Variants in DUXA observed in about 807,000 individuals in gnomAD.
DUXA encodes the protein double homeobox A, also known as double homeobox protein A.
A neutral mutation model predicts 27.5 loss-of-function variants in DUXA; 25 were observed. The ratio of observed to expected loss-of-function variants is 0.91; its 90% CI spans 0.66 to 1.27. The LOEUF is 1.27. Among genes scored for constraint, DUXA ranks in the 50% most tolerant of loss-of-function variants. The pLI, the probability that DUXA is intolerant of heterozygous loss-of-function variation, is 0.00. For synonymous variants in DUXA, 90 were observed against 80.5 expected (o/e 1.12, Z -0.63); for missense variants, 247 against 242.9 (o/e 1.02, Z -0.11).
In DUXA at chr19:57,158,395, G is replaced by A. The variant is rs755739295; in HGVS notation, c.371C>T (p.Pro124Leu). The A allele has an allele frequency of 6.2e-7, 1 of 1,613,470 alleles. No homozygotes were observed. Among genetic ancestry groups the A allele is most frequent in the Non-Finnish European group, 8.5e-7 (1 of 1,180,004 alleles). The change falls in exon 4 of 6, where the codon CCA becomes CTA. Residue 124 changes from proline (P) to leucine (L), a missense_variant. Coordinates refer to ENST00000554048, the MANE Select transcript of DUXA (RefSeq NM_001012729.2). ...HTLIKAFMKNPYPGIDSREEL... is the reference protein window; with the variant it reads ...HTLIKAFMKNLYPGIDSREEL... Reference sequence around the variant, plus strand: ...TTCTCTGGAATCAATCCCAGGATATGGGTTTTTCATAAATGCCTTGATGAG... The same window carrying A: ...TTCTCTGGAATCAATCCCAGGATATAGGTTTTTCATAAATGCCTTGATGAG...
At chr19:57,161,412 A>G (rs1233149000) in intron 1 of DUXA, among the ~76,000 whole-genome samples, 2 of 148,952 alleles carry the variant, frequency 1.3e-5, no homozygotes, top group Non-Finnish European at 3.0e-5. Flanking sequence ...TCACAAGGTC[A>G]GGAGATCGAG....
intron 1 of DUXA, among the ~76,000 whole-genome samples, chr19:57,162,275 C>G (rs2087028173): frequency 1.3e-5 from 2 of 152,012 alleles, no homozygotes; most frequent in Admixed American, 1.3e-4. Flanking sequence ...TTAAAAACAC[C>G]ACAGGGAGGA....
chr19:57,162,520 C>A (rs1393987155), intron 1 of DUXA, among the ~76,000 whole-genome samples: 1 of 152,150 alleles, frequency 6.6e-6, no homozygotes, highest in Non-Finnish European at 1.5e-5. Context: ...TTTGTTTGAT[C>A]TTTGAATGCT....
At chr19:57,154,503 A>C (rs762870513) in intron 5 of DUXA, 21 bp from the exon 6 acceptor site, 1 of 1,591,964 alleles carries the variant, frequency 6.3e-7, no homozygotes, top group South Asian at 1.1e-5. Context: ...AAAAAGATAG[A>C]GGAAAGAATG....
chr19:57,165,792 G>A (rs1201296862), intron 1 of DUXA, among the ~76,000 whole-genome samples: 3 of 123,694 alleles, frequency 2.4e-5, no homozygotes, highest in Non-Finnish European at 5.0e-5. Context: ...GCGAGAGAGT[G>A]AGACTCCTCT....
chr19:57,162,503 C>T (rs1321556259), intron 1 of DUXA, among the ~76,000 whole-genome samples: 4 of 152,210 alleles, frequency 2.6e-5, no homozygotes, highest in African/African-American at 9.6e-5. Context: ...AAAAGACCAA[C>T]AGCTTTTTTG....
chr19:57,161,304 AAC>A (rs2087019994), intron 1 of DUXA, among the ~76,000 whole-genome samples: 1 of 93,444 alleles, frequency 1.1e-5, no homozygotes, highest in African/African-American at 4.6e-5. Context: ...CAGCCTGGGT[AAC>A]AGAGTGAGAC....
In DUXA at chr19:57,166,686, G is replaced by C. The variant is rs533840445; in HGVS notation, c.25+733C>G. Among the ~76,000 whole-genome samples the C allele has an allele frequency of 4.3e-4, 66 of 152,350 alleles. No homozygotes were observed. In the South Asian group the frequency reaches 0.013, roughly 31 times the overall value. ...TAGGTTGGTGGAAGCAGGGAGATCA[G>C]TTAGGAGAAGACTGCAATAATCTCA... On this transcript the variant is annotated intron_variant, in intron 1 of 5. Coordinates refer to ENST00000554048, the MANE Select transcript of DUXA (RefSeq NM_001012729.2).
intron 1 of DUXA, among the ~76,000 whole-genome samples, chr19:57,165,324 A>AATATATATATAT (rs74179420): frequency 3.4e-5 from 3 of 89,258 alleles, no homozygotes; most frequent in Non-Finnish European, 4.6e-5. Context: ...AAAAAAAAAA[A>AATATATATATAT]ATATATATAT....
At chr19:57,163,172 T>C (rs2087033206) in intron 1 of DUXA, among the ~76,000 whole-genome samples, 2 of 152,062 alleles carry the variant, frequency 1.3e-5, no homozygotes, top group African/African-American at 4.8e-5. Flanking sequence ...CCCACAAGGC[T>C]CTTCACACGA....
chr19:57,164,864 C>G (rs1305594316), intron 1 of DUXA, among the ~76,000 whole-genome samples: 1 of 152,094 alleles, frequency 6.6e-6, no homozygotes, highest in Non-Finnish European at 1.5e-5. Flanking sequence ...ATTGTTACTG[C>G]TTAAGGACAT....
rs112642070 is a variant in DUXA at position 57,162,001 on chromosome 19, C to T, written c.26-1204G>A. On this transcript the variant is annotated intron_variant, in intron 1 of 5. Transcript: ENST00000554048. The stretch of plus-strand genomic sequence containing the variant: ...ACCTCCACAGGCTCAGGTGATCCTC[C>T]TACCTCAGCCTCCTGAGTAGCTGGG... Among the ~76,000 whole-genome samples the T allele has an allele frequency of 6.8e-3, 1,031 of 152,230 alleles. 15 individuals carry two copies. Among genetic ancestry groups the T allele is most frequent in the African/African-American group, 0.024 (985 of 41,546 alleles).
chr19:57,155,646 A>AAGATAGATGATAGATAGATAGATAGAT (rs1555757947), intron 4 of DUXA, among the ~76,000 whole-genome samples: 2 of 144,120 alleles, frequency 1.4e-5, no homozygotes, highest in African/African-American at 5.2e-5. Context: ...TGCCCAACCC[A>AAGATAGATGATAGATAGATAGATAGAT]AGATAGATAG....
At chr19:57,157,416 C>T (rs112389341) in intron 4 of DUXA, among the ~76,000 whole-genome samples, 3,047 of 152,150 alleles carry the variant, frequency 0.02, 44 homozygotes, top group Non-Finnish European at 0.032. Context: ...ACTGCAACCT[C>T]CACCTCCCAG....
chr19:57,159,059 G>A, intron 3 of DUXA, 108 bp downstream of exon 3: 1 of 865,884 alleles, frequency 1.2e-6, no homozygotes, highest in Non-Finnish European at 1.8e-6. Flanking sequence ...GCCACCATAA[G>A]ACCCTGAACA....
intron 4 of DUXA, among the ~76,000 whole-genome samples, chr19:57,157,855 G>A (rs551183505): frequency 8.0e-4 from 122 of 151,986 alleles, no homozygotes; most frequent in African/African-American, 2.8e-3. Flanking sequence ...TTAGCCAGGC[G>A]TGGTGGCACA....
At position 57,154,335 on chromosome 19, in the gene DUXA, G is replaced by T. The variant is rs1568462490; in HGVS notation, c.*77C>A. The T allele has an allele frequency of 1.4e-6, 2 of 1,381,558 alleles. No homozygotes were observed. Among genetic ancestry groups the T allele is most frequent in the East Asian group, 2.3e-5 (1 of 42,708 alleles). The allele number at this position is 1,381,558 out of a possible 1,614,324, so 85.6% of individuals were successfully genotyped here. A position where few individuals can be genotyped will look rare whatever the true frequency, so the allele number is the denominator to read the frequency against. On this transcript the variant is annotated 3_prime_UTR_variant, in exon 6 of 6. Transcript: ENST00000554048. ...GGCTTAGCTTGCAGTTTCAGCAGAA[G>T]GATAGACTCCCAGGAAGACCGTGAG...
At chr19:57,165,322 A>T (rs200378898) in intron 1 of DUXA, among the ~76,000 whole-genome samples, 7,596 of 88,268 alleles carry the variant, frequency 0.086, 303 homozygotes, top group African/African-American at 0.14. Flanking sequence ...AAAAAAAAAA[A>T]AAATATATAT....
chr19:57,162,485 G>A (rs1270559621), intron 1 of DUXA, among the ~76,000 whole-genome samples: 3 of 152,248 alleles, frequency 2.0e-5, no homozygotes, highest in Admixed American at 2.0e-4. Context: ...GATGCTAGAA[G>A]TTCAGTTAAA....
Sources: gnomAD v4.1 joint callset for allele counts (sites outside exome capture counted in the v4.1 genomes callset) on GRCh38, gnomAD v4.1.1 for gene constraint, MANE v1.5 for transcripts, NCBI Gene and HGNC (gene_info 2026-07-23, HGNC 2026-07-21) for gene names.